The following CDYL2 variants were observed in gnomAD, a reference collection of about 807,000 sequenced individuals.
The protein encoded by CDYL2 is chromodomain Y-like protein 2.
Under a neutral mutation model 49.4 loss-of-function variants are expected in CDYL2, and 23 were observed. The ratio of observed to expected loss-of-function variants is 0.47; its 90% CI spans 0.34 to 0.66. The LOEUF is 0.66. CDYL2 is among the 30% of genes least tolerant of loss of function. The pLI is 0.01. For synonymous variants in CDYL2, 360 were observed against 268.8 expected (o/e 1.34, Z -3.32); for missense variants, 678 against 656.4 (o/e 1.03, Z -0.36).
intron 2 of CDYL2, among the ~76,000 whole-genome samples, chr16:80,647,073 T>A (rs555628470): frequency 6.6e-6 from 1 of 151,858 alleles, no homozygotes; most frequent in East Asian, 1.9e-4. Context: ...CAGTAAACAA[T>A]CTGAAAAAGA....
intron 1 of CDYL2, among the ~76,000 whole-genome samples, chr16:80,792,175 T>C (rs999488005): frequency 1.3e-5 from 2 of 152,162 alleles, no homozygotes; most frequent in Non-Finnish European, 2.9e-5. Context: ...CAAGTGAAGT[T>C]AGATAGATAG....
intron 2 of CDYL2, chr16:80,679,657 A>C: frequency 2.2e-6 from 1 of 455,678 alleles, no homozygotes. Context: ...TCATTTCACA[A>C]ACTTTCTCTT....
intron 2 of CDYL2, 81 bp downstream of exon 2, chr16:80,684,457 T>C: frequency 1.5e-6 from 2 of 1,322,022 alleles, no homozygotes; most frequent in Non-Finnish European, 2.1e-6. Context: ...GTGGGGGTCT[T>C]ATGTATGTCC....
chr16:80,732,343 C>G (rs145946805), intron 1 of CDYL2, among the ~76,000 whole-genome samples: 1 of 152,092 alleles, frequency 6.6e-6, no homozygotes, highest in African/African-American at 2.4e-5. Flanking sequence ...TATGGTATGT[C>G]CCTTGCATAA....
chr16:80,747,845 G>A (rs1189924597), intron 1 of CDYL2, among the ~76,000 whole-genome samples: 2 of 151,996 alleles, frequency 1.3e-5, no homozygotes, highest in Non-Finnish European at 2.9e-5. Context: ...CCTTCTGATT[G>A]GAACCCTTCC....
chr16:80,793,034 T>C (rs1271468384), intron 1 of CDYL2, among the ~76,000 whole-genome samples: 1 of 152,246 alleles, frequency 6.6e-6, no homozygotes, highest in Non-Finnish European at 1.5e-5. Flanking sequence ...CCATCTGTCC[T>C]AGCCTGCTTT....
At chr16:80,777,128 A>C (rs1248900493) in intron 1 of CDYL2, among the ~76,000 whole-genome samples, 2 of 152,068 alleles carry the variant, frequency 1.3e-5, no homozygotes, top group Admixed American at 6.6e-5. Flanking sequence ...GGCATGTAAA[A>C]TTATTTTTTA....
intron 1 of CDYL2, among the ~76,000 whole-genome samples, chr16:80,688,970 G>A (rs1332096111): frequency 1.3e-5 from 2 of 152,090 alleles, no homozygotes; most frequent in African/African-American, 2.4e-5. Flanking sequence ...GTCTCTTGAT[G>A]CTCTGCCCCC....
At chr16:80,666,567 C>T (rs1226392717) in intron 2 of CDYL2, among the ~76,000 whole-genome samples, 1 of 152,136 alleles carries the variant, frequency 6.6e-6, no homozygotes, top group South Asian at 2.1e-4. Context: ...GCAGGGCCAT[C>T]GTGGCAGATG....
chr16:80,660,809 A>C (rs970888489), intron 2 of CDYL2, among the ~76,000 whole-genome samples: 2 of 152,218 alleles, frequency 1.3e-5, no homozygotes, highest in African/African-American at 4.8e-5. Context: ...AAATGCCAGA[A>C]GGATCCCAGG....
intron 2 of CDYL2, among the ~76,000 whole-genome samples, chr16:80,682,184 G>A (rs1443579373): frequency 2.6e-5 from 4 of 152,162 alleles, no homozygotes; most frequent in Non-Finnish European, 5.9e-5. Context: ...AGTGCTATGG[G>A]ATGTGATTAA....
intron 1 of CDYL2, among the ~76,000 whole-genome samples, chr16:80,793,624 T>C (rs979847744): frequency 2.6e-5 from 4 of 152,204 alleles, no homozygotes; most frequent in African/African-American, 7.2e-5. Context: ...AATACAACCT[T>C]GGATAATACA....
intron 2 of CDYL2, among the ~76,000 whole-genome samples, chr16:80,667,960 G>A (rs958920152): frequency 3.3e-5 from 5 of 152,218 alleles, no homozygotes; most frequent in Non-Finnish European, 5.9e-5. Context: ...GATGGCACCC[G>A]GGCAATGCCC....
chr16:80,680,537 C>G (rs892766827), intron 2 of CDYL2, among the ~76,000 whole-genome samples: 6 of 152,090 alleles, frequency 3.9e-5, no homozygotes, highest in African/African-American at 1.4e-4. Flanking sequence ...AGCAGTTCAC[C>G]AAGGCAGAAC....
intron 4 of CDYL2, among the ~76,000 whole-genome samples, chr16:80,617,490 C>G (rs1361399304): frequency 6.6e-6 from 1 of 152,244 alleles, no homozygotes; most frequent in Non-Finnish European, 1.5e-5. Flanking sequence ...CAGTGCGCTT[C>G]TCTCAGGACA....
intron 1 of CDYL2, among the ~76,000 whole-genome samples, chr16:80,759,309 G>C (rs950328510): frequency 6.6e-6 from 1 of 151,554 alleles, no homozygotes; most frequent in African/African-American, 2.4e-5. Flanking sequence ...ATTTTCCACA[G>C]TGAATGGAGA....
chr16:80,741,566 C>A (rs905707366), intron 1 of CDYL2, among the ~76,000 whole-genome samples: 6 of 151,694 alleles, frequency 4.0e-5, no homozygotes, highest in African/African-American at 9.7e-5. Context: ...AACAGATGAA[C>A]ATATTAATGG....
In CDYL2 at chr16:80,712,383, C is replaced by A. The variant is rs564859654; in HGVS notation, c.25-27254G>T. On this transcript the variant is annotated intron_variant, in intron 1 of 6. Transcript: ENST00000570137. ...GCCTGGTGTCCTTTGTGTACCCTTA[C>A]AAGTCTCTCCTGGTCTATTCGTCAA... Among the ~76,000 whole-genome samples, 14 of 152,002 alleles carry A rather than the reference C, an allele frequency of 9.2e-5. No homozygotes were observed. The South Asian group carries it at 2.7e-3, about 29-fold the overall frequency.
intron 1 of CDYL2, among the ~76,000 whole-genome samples, chr16:80,709,218 C>T (rs1904506801): frequency 6.6e-6 from 1 of 152,110 alleles, no homozygotes; most frequent in South Asian, 2.1e-4. Flanking sequence ...CCCGTCTCCA[C>T]TACAAATACA....
Sources: allele counts gnomAD v4.1 joint callset (sites outside exome capture counted in the v4.1 genomes callset), GRCh38; gene constraint gnomAD v4.1.1; transcripts MANE v1.5; gene names NCBI Gene and HGNC (gene_info 2026-07-23, HGNC 2026-07-21).